GPC6: variants seen among roughly 807,000 people sequenced by gnomAD.
GPC6 encodes glypican-6.
In GPC6, 14 loss-of-function variants were observed where a neutral mutation model predicts 55.2. That is an observed-to-expected ratio of 0.25 (90% CI 0.17 to 0.40). GPC6 has a LOEUF of 0.40. GPC6 is among the 10% of genes least tolerant of loss of function. The pLI is 1.00. For synonymous variants in GPC6, 278 were observed against 259.6 expected (o/e 1.07, Z -0.68); for missense variants, 641 against 708.5 (o/e 0.90, Z 1.08).
intron 2 of GPC6, among the ~76,000 whole-genome samples, chr13:93,726,341 C>T (rs894891811): frequency 4.6e-5 from 7 of 151,932 alleles, no homozygotes; most frequent in African/African-American, 1.7e-4. Flanking sequence ...CAGTTTACAC[C>T]CATAAAATTG....
chr13:94,368,062 T>A lies in GPC6; in HGVS notation c.1153-14352T>A, dbSNP rs550200060. Among the ~76,000 whole-genome samples, 8 of 148,566 alleles carry A rather than the reference T, an allele frequency of 5.4e-5. No individual in the cohort carries two copies. The East Asian group carries it at 1.6e-3, about 30-fold the overall frequency. ...TACTCGGGAAGCTGAAGCAGGAGAA[T>A]CGCTTGAACCCAGGAGGCGGGGGTT... On this transcript the variant is annotated intron_variant, in intron 6 of 8. Transcript: ENST00000377047.
Position 94,077,246 on chromosome 13 carries a change from T to A in GPC6, c.877+49352T>A, listed in dbSNP as rs115685032. Among the ~76,000 whole-genome samples the A allele has an allele frequency of 4.8e-3, 722 of 151,932 alleles. 8 individuals carry two copies. Among genetic ancestry groups the A allele is most frequent in the African/African-American group, 0.016 (685 of 41,530 alleles). ...TATTTTATTTTTTTGATGCTATTGT[T>A]AATGGGATTACTTCTTAATGTTTCT... On this transcript the variant is annotated intron_variant, in intron 4 of 8. Coordinates refer to ENST00000377047, the MANE Select transcript of GPC6 (RefSeq NM_005708.5).
chr13:93,376,074 G>A (rs1874883038), intron 1 of GPC6, among the ~76,000 whole-genome samples: 1 of 148,646 alleles, frequency 6.7e-6, no homozygotes, highest in Non-Finnish European at 1.5e-5. Context: ...TTTGATGAGG[G>A]AGAGAGCTTC....
chr13:93,786,706 T>C lies in GPC6; in HGVS notation c.320-43448T>C, dbSNP rs187193259. On this transcript the variant is annotated intron_variant, in intron 2 of 8. Transcript: ENST00000377047. The stretch of plus-strand genomic sequence containing the variant: ...TTAAATACACACAGTTGAAAAACAG[T>C]TTTAAAATATTTTGCATCCTGTGAC... Among the ~76,000 whole-genome samples the C allele has an allele frequency of 1.6e-3, 243 of 152,222 alleles. 4 individuals carry two copies. The highest frequency in any genetic ancestry group is 1.6e-4 in the Non-Finnish European group (11 of 68,010).
At chr13:93,882,289 G>A (rs1056558330) in intron 3 of GPC6, among the ~76,000 whole-genome samples, 3 of 151,918 alleles carry the variant, frequency 2.0e-5, no homozygotes, top group South Asian at 2.1e-4. Context: ...TGGGACTACA[G>A]GCACGTGCCA....
At chr13:94,183,532 C>A (rs751564301) in intron 4 of GPC6, among the ~76,000 whole-genome samples, 1 of 152,146 alleles carries the variant, frequency 6.6e-6, no homozygotes, top group Non-Finnish European at 1.5e-5. Context: ...CATTGGTATA[C>A]AAGTATCTGG....
rs545379224 is a variant in GPC6, at chr13:93,511,542, C to CT, written c.161-33715dup. Among the ~76,000 whole-genome samples, 485 of 151,896 alleles carry CT rather than the reference C, an allele frequency of 3.2e-3. 3 individuals carry two copies. The highest frequency in any genetic ancestry group is 0.017 in the Middle Eastern group (5 of 294). ...TATGTTTCATTGGTCTGTGTATCTA[C>CT]TTTTTTCCAATACTGTGGTGTCTTG... On this transcript the variant is annotated intron_variant, in intron 1 of 8. Transcript: ENST00000377047.
chr13:93,334,111 T>A (rs2139140671), intron 1 of GPC6, among the ~76,000 whole-genome samples: 1 of 152,244 alleles, frequency 6.6e-6, no homozygotes, highest in South Asian at 2.1e-4. Flanking sequence ...ACAACAAATT[T>A]TCATTACTCT....
chr13:93,776,845 GC>G (rs1885486060), intron 2 of GPC6, among the ~76,000 whole-genome samples: 1 of 152,122 alleles, frequency 6.6e-6, no homozygotes, highest in African/African-American at 2.4e-5. Flanking sequence ...TGGTTTGCAG[GC>G]TTACAGAAAC....
chr13:93,225,379 T>C (rs1020321549), upstream of GPC6, among the ~76,000 whole-genome samples: 3 of 152,260 alleles, frequency 2.0e-5, no homozygotes, highest in African/African-American at 7.2e-5. Context: ...TTCAGTGATT[T>C]AAGATCTGCC....
intron 2 of GPC6, among the ~76,000 whole-genome samples, chr13:93,804,770 A>G (rs978006721): frequency 1.3e-5 from 2 of 152,126 alleles, no homozygotes; most frequent in African/African-American, 4.8e-5. Flanking sequence ...CTAGTTTCCT[A>G]CTATGCTGCA....
At chr13:93,505,773 T>C (rs1880690201) in intron 1 of GPC6, among the ~76,000 whole-genome samples, 1 of 152,196 alleles carries the variant, frequency 6.6e-6, no homozygotes, top group African/African-American at 2.4e-5. Context: ...TGTCCTCAGC[T>C]GGGAACATGT....
intron 2 of GPC6, among the ~76,000 whole-genome samples, chr13:93,576,310 CAA>C (rs1566431698): frequency 6.6e-6 from 1 of 151,588 alleles, no homozygotes; most frequent in African/African-American, 2.4e-5. Context: ...TAAAAGAAGA[CAA>C]AAAATTATAT....
chr13:93,570,683 G>C (rs888616145), intron 2 of GPC6, among the ~76,000 whole-genome samples: 2 of 152,088 alleles, frequency 1.3e-5, no homozygotes, highest in African/African-American at 4.8e-5. Flanking sequence ...ATATAACAAA[G>C]AACTTTTTCA....
At chr13:94,034,359 A>G (rs1325057265) in intron 4 of GPC6, among the ~76,000 whole-genome samples, 4 of 152,288 alleles carry the variant, frequency 2.6e-5, no homozygotes, top group African/African-American at 9.6e-5. Context: ...TGCATATGTG[A>G]AAGTGTTTTT....
intron 4 of GPC6, among the ~76,000 whole-genome samples, chr13:94,060,535 G>A (rs184040261): frequency 6.6e-6 from 1 of 152,240 alleles, no homozygotes; most frequent in East Asian, 1.9e-4. Context: ...ATTGCAGTGG[G>A]CTCTAAGAAA....
In GPC6 at chr13:94,027,903, T is replaced by C. The variant is rs776313330; in HGVS notation, c.877+9T>C. Reference sequence around the variant, plus strand: ...GTGGAATCTGTTTATAGGTAAGAAGTGTTTAAATGGATCCGAGAACAGAGA... The same window carrying C: ...GTGGAATCTGTTTATAGGTAAGAAGCGTTTAAATGGATCCGAGAACAGAGA... On this transcript the variant is annotated intron_variant, in intron 4 of 8. Coordinates refer to ENST00000377047, the MANE Select transcript of GPC6 (RefSeq NM_005708.5). 8.1e-6 allele frequency: 13 copies of C among 1,612,376 alleles called. No individual in the cohort carries two copies. The highest frequency in any genetic ancestry group is 1.7e-5 in the Admixed American group (1 of 59,984).
At chr13:94,314,795 G>T (rs1248744512) in intron 6 of GPC6, among the ~76,000 whole-genome samples, 1 of 152,154 alleles carries the variant, frequency 6.6e-6, no homozygotes, top group Non-Finnish European at 1.5e-5. Context: ...TACCAGTTTT[G>T]ATGTATTTGC....
intron 1 of GPC6, among the ~76,000 whole-genome samples, chr13:93,362,018 A>G (rs2139178509): frequency 6.6e-6 from 1 of 152,342 alleles, no homozygotes; most frequent in Admixed American, 6.5e-5. Flanking sequence ...TGTTAGTTGA[A>G]GGAGAACTGT....
Sources: allele counts gnomAD v4.1 joint callset (sites outside exome capture counted in the v4.1 genomes callset), GRCh38; gene constraint gnomAD v4.1.1; transcripts MANE v1.5; gene names NCBI Gene and HGNC (gene_info 2026-07-23, HGNC 2026-07-21).